The following DENND1B variants were observed in gnomAD, a reference collection of about 807,000 sequenced individuals.
The protein encoded by DENND1B is DENN domain containing 1B, also known as DENN domain-containing protein 1B.
Under a neutral mutation model 90.1 loss-of-function variants are expected in DENND1B, and 59 were observed. The observed-to-expected ratio is 0.65, with a 90% confidence interval of 0.53 to 0.81. DENND1B has a LOEUF of 0.81. Ranked by LOEUF, DENND1B falls within the 40% of genes least tolerant of loss-of-function variation. The pLI is 0.00. For synonymous variants in DENND1B, 337 were observed against 324.6 expected, an observed-to-expected ratio of 1.04 and a Z score of -0.41; for missense variants, 862 against 912.6, an observed-to-expected ratio of 0.94 and a Z score of 0.71.
intron 3 of DENND1B, among the ~76,000 whole-genome samples, chr1:197,701,418 A>C (rs1335015186): frequency 6.6e-6 from 1 of 152,172 alleles, no homozygotes. Flanking sequence ...AACACACACC[A>C]GGGCCCATTC....
At chr1:197,635,192 A>G (rs1390818515) in intron 10 of DENND1B, among the ~76,000 whole-genome samples, 1 of 152,230 alleles carries the variant, frequency 6.6e-6, no homozygotes, top group Non-Finnish European at 1.5e-5. Context: ...CATTTTCAGT[A>G]TCAGATGAAC....
At chr1:197,645,342 A>G (rs1680636881) in intron 9 of DENND1B, among the ~76,000 whole-genome samples, 1 of 152,060 alleles carries the variant, frequency 6.6e-6, no homozygotes, top group South Asian at 2.1e-4. Context: ...CCACAAGTAG[A>G]AGCCATCTCC....
intron 16 of DENND1B, chr1:197,552,498 A>C (rs1028486422): frequency 9.1e-6 from 9 of 985,500 alleles, no homozygotes; most frequent in African/African-American, 1.7e-5. Flanking sequence ...GTACTTATGG[A>C]ATGGTAAACT....
rs949083096 is a variant in DENND1B, at chr1:197,669,243, C to G, written c.296+2794G>C. On this transcript the variant is annotated intron_variant, in intron 5 of 22. Transcript: ENST00000620048. ...ATCTTTTAGGGATTCCATGTATACT[C>G]TCACTGCCACAGTAATTTTTTTCTT... 9.9e-5 allele frequency among the ~76,000 whole-genome samples: 15 copies of G among 152,194 alleles called. No individual in the cohort carries two copies. In the South Asian group the frequency reaches 2.5e-3, roughly 25 times the overall value.
At chr1:197,612,617 G>T (rs1308994125) in intron 11 of DENND1B, among the ~76,000 whole-genome samples, 1 of 150,374 alleles carries the variant, frequency 6.7e-6, no homozygotes, top group Non-Finnish European at 1.5e-5. Context: ...TATAAATTCA[G>T]ATTTATCCAA....
intron 2 of DENND1B, among the ~76,000 whole-genome samples, chr1:197,721,965 T>C (rs551526772): frequency 6.6e-6 from 1 of 152,284 alleles, no homozygotes; most frequent in South Asian, 2.1e-4. Flanking sequence ...CTGCCTATTA[T>C]TCCCTCTAAC....
chr1:197,677,615 G>A (rs1656227563), intron 3 of DENND1B, among the ~76,000 whole-genome samples: 1 of 152,100 alleles, frequency 6.6e-6, no homozygotes. Flanking sequence ...AAGATGAAGA[G>A]GTTTTAGAAT....
intron 10 of DENND1B, among the ~76,000 whole-genome samples, chr1:197,637,375 A>T (rs1679891285): frequency 1.3e-5 from 2 of 152,232 alleles, no homozygotes; most frequent in South Asian, 4.1e-4. Flanking sequence ...TTGTTAAATT[A>T]AAAAATTCTT....
chr1:197,731,658 A>G (rs1328609327), intron 2 of DENND1B, among the ~76,000 whole-genome samples: 1 of 152,196 alleles, frequency 6.6e-6, no homozygotes, highest in Non-Finnish European at 1.5e-5. Flanking sequence ...TGGAAGAAGG[A>G]GAATCATCTC....
At chr1:197,660,914 G>T (rs577738324) in intron 5 of DENND1B, among the ~76,000 whole-genome samples, 1 of 152,044 alleles carries the variant, frequency 6.6e-6, no homozygotes, top group East Asian at 1.9e-4. Flanking sequence ...TAGGAGGCAA[G>T]AAATCTAAGA....
At chr1:197,674,081 A>C (rs1482699461) in intron 4 of DENND1B, 39 bp downstream of exon 4, 4 of 1,408,358 alleles carry the variant, frequency 2.8e-6, no homozygotes, top group Non-Finnish European at 3.9e-6. Context: ...TATGTACTAT[A>C]AGAATCTACA....
chr1:197,714,951 A>T, intron 3 of DENND1B, 80 bp downstream of exon 3: 1 of 1,040,876 alleles, frequency 9.6e-7, no homozygotes, highest in Non-Finnish European at 1.5e-6. Context: ...TAGTAGTTAT[A>T]CTAGCAACAG....
At chr1:197,635,370 A>G (rs1328899806) in intron 10 of DENND1B, among the ~76,000 whole-genome samples, 3 of 152,088 alleles carry the variant, frequency 2.0e-5, no homozygotes. Flanking sequence ...ACAGGGTCTC[A>G]TTCTGTTGCC....
intron 15 of DENND1B, among the ~76,000 whole-genome samples, chr1:197,572,487 G>C (rs1484209678): frequency 1.3e-5 from 2 of 152,222 alleles, no homozygotes; most frequent in African/African-American, 4.8e-5. Flanking sequence ...TCTGTGGGCA[G>C]GGAATAGCTG....
intron 2 of DENND1B, among the ~76,000 whole-genome samples, chr1:197,726,587 G>C (rs1490463615): frequency 6.6e-6 from 1 of 152,212 alleles, no homozygotes; most frequent in Admixed American, 6.5e-5. Context: ...GATTGCATCA[G>C]TGATATGGAA....
chr1:197,665,787 T>C (rs1654882427), intron 5 of DENND1B, among the ~76,000 whole-genome samples: 2 of 152,072 alleles, frequency 1.3e-5, no homozygotes, highest in South Asian at 4.1e-4. Flanking sequence ...CTTCAAACAG[T>C]AGAAGATAGC....
intron 14 of DENND1B, among the ~76,000 whole-genome samples, chr1:197,584,092 T>C (rs1232156687): frequency 3.3e-5 from 5 of 152,130 alleles, no homozygotes; most frequent in Non-Finnish European, 7.4e-5. Flanking sequence ...CTTGTAGCAA[T>C]ATTTATGTCA....
At chr1:197,663,730 T>C (rs911585044) in intron 5 of DENND1B, among the ~76,000 whole-genome samples, 2 of 152,086 alleles carry the variant, frequency 1.3e-5, no homozygotes, top group African/African-American at 4.8e-5. Context: ...ATCACCGTAC[T>C]TACCCCAACT....
rs564092378 is a variant in DENND1B, at chr1:197,510,287, A to G, written c.*173T>C. The G allele has an allele frequency of 4.6e-5, 33 of 724,356 alleles. No homozygotes were observed. The African/African-American group carries it at 5.4e-4, about 12-fold the overall frequency. 44.9% of individuals were successfully genotyped at this position (724,356 alleles called of 1,614,324 possible). The stretch of plus-strand genomic sequence containing the variant: ...TTAAAAGCACAGTAGAATTCGCTTT[A>G]TATTTAAAAATCAATGCATTTCATA... On this transcript the variant is annotated 3_prime_UTR_variant, in exon 23 of 23. Transcript: ENST00000620048.
Sources: gnomAD v4.1 joint callset for allele counts (sites outside exome capture counted in the v4.1 genomes callset) on GRCh38, gnomAD v4.1.1 for gene constraint, MANE v1.5 for transcripts, NCBI Gene and HGNC (gene_info 2026-07-23, HGNC 2026-07-21) for gene names.